The following ANK2 variants were observed in gnomAD, a reference collection of about 807,000 sequenced individuals.
ANK2 encodes ankyrin 2.
ANK2 carries 83 observed loss-of-function variants against 360.5 expected under a neutral mutation model. The ratio of observed to expected loss-of-function variants is 0.23; its 90% CI spans 0.19 to 0.28. ANK2 has a LOEUF of 0.28. Among genes scored for constraint, ANK2 ranks in the 10% least tolerant of loss-of-function variants. The pLI is 1.00. For synonymous variants in ANK2, 1,740 were observed against 1,759.5 expected, an observed-to-expected ratio of 0.99 and a Z score of 0.28; for missense variants, 4,201 against 4,795.7, an observed-to-expected ratio of 0.88 and a Z score of 3.66.
chr4:113,229,899 A>G (rs1299099877), intron 4 of ANK2, among the ~76,000 whole-genome samples: 2 of 152,166 alleles, frequency 1.3e-5, no homozygotes, highest in Non-Finnish European at 2.9e-5. Context: ...GCATGTTAGC[A>G]AATTGTTTTA....
chr4:113,088,788 T>C (rs2086211148), intron 1 of ANK2, among the ~76,000 whole-genome samples: 1 of 152,122 alleles, frequency 6.6e-6, no homozygotes, highest in African/African-American at 2.4e-5. Flanking sequence ...TACAGATGAG[T>C]AAACTGAGGC....
At chr4:113,162,070 A>G (rs1389128106) in intron 1 of ANK2, among the ~76,000 whole-genome samples, 10 of 152,164 alleles carry the variant, frequency 6.6e-5, no homozygotes, top group African/African-American at 2.2e-4. Context: ...CTTCTCTCCA[A>G]TTTTAGGGTA....
intron 5 of ANK2, among the ~76,000 whole-genome samples, chr4:113,232,689 T>C (rs534163872): frequency 6.7e-5 from 5 of 74,266 alleles, no homozygotes; most frequent in East Asian, 9.0e-4. Context: ...ATGAGGAATG[T>C]CATTAAAAAA....
At chr4:113,182,830 G>A (rs751592767) in intron 2 of ANK2, among the ~76,000 whole-genome samples, 2 of 152,090 alleles carry the variant, frequency 1.3e-5, no homozygotes, top group Non-Finnish European at 2.9e-5. Context: ...TTCTATAAAA[G>A]AAAGAAGAGA....
intron 1 of ANK2, among the ~76,000 whole-genome samples, chr4:112,898,680 T>G (rs2082410754): frequency 6.6e-6 from 1 of 152,190 alleles, no homozygotes; most frequent in Non-Finnish European, 1.5e-5. Context: ...AATTTAAAAT[T>G]AACTTGAGAA....
At chr4:112,951,725 C>G (rs996976952) in intron 2 of ANK2, among the ~76,000 whole-genome samples, 1 of 152,112 alleles carries the variant, frequency 6.6e-6, no homozygotes, top group African/African-American at 2.4e-5. Context: ...AGTATACATT[C>G]ATAAACTTCT....
chr4:112,720,466 A>G, the ANK2 span, among the ~76,000 whole-genome samples: 2 of 152,146 alleles, frequency 1.3e-5, no homozygotes, highest in East Asian at 1.9e-4. Context: ...TATATGGACT[A>G]TATTATAATA....
At position 113,281,111 on chromosome 4, in the gene ANK2, G is replaced by A. The variant is rs29379; in HGVS notation, c.1882-1564G>A. On this transcript the variant is annotated intron_variant, in intron 17 of 45. Coordinates refer to ENST00000357077, the MANE Select transcript of ANK2 (RefSeq NM_001148.6). Reference sequence around the variant, plus strand: ...ACTTATTCTTGCTTGGAGAAATGGGGACAGAGTAGATAATGTAGGGTTGTG... The same window carrying A: ...ACTTATTCTTGCTTGGAGAAATGGGAACAGAGTAGATAATGTAGGGTTGTG... Among the ~76,000 whole-genome samples, 416 of 152,282 alleles carry A rather than the reference G, an allele frequency of 2.7e-3. 4 individuals carry two copies. Among genetic ancestry groups the A allele is most frequent in the African/African-American group, 9.5e-3 (394 of 41,564 alleles).
At chr4:112,807,095 T>G in the ANK2 span, among the ~76,000 whole-genome samples, 3 of 152,196 alleles carry the variant, frequency 2.0e-5, no homozygotes, top group Non-Finnish European at 4.4e-5. Context: ...GATGGAGTGC[T>G]CTTTTAACTA....
chr4:112,765,108 A>G, the ANK2 span, among the ~76,000 whole-genome samples: 1 of 152,264 alleles, frequency 6.6e-6, no homozygotes. Context: ...GTACTGAGAT[A>G]TTAAGCAGCT....
chr4:112,731,687 C>G, the ANK2 span, among the ~76,000 whole-genome samples: 20 of 151,764 alleles, frequency 1.3e-4, no homozygotes, highest in Admixed American at 1.2e-3. Flanking sequence ...GAGCCATGAT[C>G]GTGCCCCTGC....
intron 2 of ANK2, among the ~76,000 whole-genome samples, chr4:113,192,531 G>A (rs1013099266): frequency 6.6e-6 from 1 of 151,994 alleles, no homozygotes; most frequent in African/African-American, 2.4e-5. Flanking sequence ...CTGAAATACT[G>A]GTTTAGCATT....
chr4:113,380,223 C>T (rs2097121768), intron 45 of ANK2, among the ~76,000 whole-genome samples: 1 of 151,378 alleles, frequency 6.6e-6, no homozygotes, highest in African/African-American at 2.4e-5. Context: ...TATTCCTTTG[C>T]TTTCCTAATA....
intron 2 of ANK2, among the ~76,000 whole-genome samples, chr4:112,915,128 C>A (rs1302966489): frequency 6.6e-6 from 1 of 152,150 alleles, no homozygotes; most frequent in African/African-American, 2.4e-5. Context: ...CTGAATTGAA[C>A]TGAGTTACAG....
chr4:112,822,025 C>T (rs978465669), intron 1 of ANK2, among the ~76,000 whole-genome samples: 7 of 152,076 alleles, frequency 4.6e-5, no homozygotes, highest in Non-Finnish European at 8.8e-5. Context: ...GCCTCAGCCT[C>T]CCAAAGAGCT....
chr4:112,803,417 A>G, the ANK2 span, among the ~76,000 whole-genome samples: 9 of 152,174 alleles, frequency 5.9e-5, no homozygotes, highest in African/African-American at 2.2e-4. Context: ...AGCACAGAAG[A>G]GAAGGCTAGG....
chr4:112,802,553 G>T, the ANK2 span, among the ~76,000 whole-genome samples: 1 of 152,176 alleles, frequency 6.6e-6, no homozygotes, highest in Non-Finnish European at 1.5e-5. Context: ...TCTCTGGGAA[G>T]TGGGATTAGG....
intron 1 of ANK2, among the ~76,000 whole-genome samples, chr4:113,095,414 C>A (rs1264989427): frequency 6.6e-6 from 1 of 152,106 alleles, no homozygotes; most frequent in Non-Finnish European, 1.5e-5. Flanking sequence ...AAAATTGTTA[C>A]ACATAAAATG....
the ANK2 span, among the ~76,000 whole-genome samples, chr4:112,799,298 G>A: frequency 6.6e-6 from 1 of 152,104 alleles, no homozygotes; most frequent in East Asian, 1.9e-4. Context: ...ACAGACACCT[G>A]TTCGAGTGCC....
Sources: gnomAD v4.1 joint callset for allele counts (sites outside exome capture counted in the v4.1 genomes callset) on GRCh38, gnomAD v4.1.1 for gene constraint, MANE v1.5 for transcripts, NCBI Gene and HGNC (gene_info 2026-07-23, HGNC 2026-07-21) for gene names.